Variants in TMTC1 observed in about 807,000 individuals in gnomAD.
TMTC1 encodes transmembrane O-mannosyltransferase targeting cadherins 1, also known as protein O-mannosyl-transferase TMTC1.
A neutral mutation model predicts 104.8 loss-of-function variants in TMTC1; 73 were observed. The observed-to-expected ratio is 0.70, with a 90% CI of 0.58 to 0.85. The LOEUF is 0.85. Among genes scored for constraint, TMTC1 ranks in the 40% least tolerant of loss-of-function variants. TMTC1 has a pLI of 0.00. For missense variants in TMTC1, 1,035 were observed against 1,096.1 expected, an observed-to-expected ratio of 0.94 and a Z score of 0.79; for synonymous variants, 434 against 428.7, an observed-to-expected ratio of 1.01 and a Z score of -0.15.
intron 5 of TMTC1, among the ~76,000 whole-genome samples, chr12:29,696,414 T>A (rs1941425451): frequency 6.6e-6 from 1 of 152,174 alleles, no homozygotes; most frequent in Admixed American, 6.5e-5. Context: ...TCCAAAACAG[T>A]CAACTCCAGC....
chr12:29,601,127 T>G (rs1423854442), intron 7 of TMTC1, among the ~76,000 whole-genome samples: 3 of 152,158 alleles, frequency 2.0e-5, no homozygotes, highest in Non-Finnish European at 4.4e-5. Context: ...GGGCATTTTA[T>G]TCCTAGGAAA....
chr12:29,631,883 T>A (rs567562056), intron 6 of TMTC1, among the ~76,000 whole-genome samples: 9 of 152,336 alleles, frequency 5.9e-5, no homozygotes, highest in Admixed American at 3.9e-4. Context: ...GATCAGCCAA[T>A]GATTTGGGCA....
At chr12:29,602,630 T>C (rs1419105382) in intron 7 of TMTC1, among the ~76,000 whole-genome samples, 2 of 152,168 alleles carry the variant, frequency 1.3e-5, no homozygotes, top group Admixed American at 6.5e-5. Context: ...ACATAAAGAA[T>C]ATAACATGCT....
intron 11 of TMTC1, chr12:29,520,925 G>GT: frequency 5.8e-6 from 3 of 520,544 alleles, no homozygotes; most frequent in Non-Finnish European, 1.0e-5. Flanking sequence ...ATTCATATCT[G>GT]TATTTAGTTC....
At chr12:29,534,406 A>G (rs1325958666) in intron 11 of TMTC1, 1 of 152,246 alleles carries the variant, frequency 6.6e-6, no homozygotes, top group Admixed American at 6.5e-5. Context: ...TCTAGAACAG[A>G]AAAGTGCTAA....
intron 6 of TMTC1, among the ~76,000 whole-genome samples, chr12:29,616,028 A>G (rs990242489): frequency 1.4e-4 from 21 of 152,176 alleles, no homozygotes; most frequent in Non-Finnish European, 2.4e-4. Flanking sequence ...AAATTCAAAT[A>G]AGTTTGAGGA....
chr12:29,542,018 G>C (rs1944814807), intron 10 of TMTC1, among the ~76,000 whole-genome samples: 1 of 151,996 alleles, frequency 6.6e-6, no homozygotes, highest in Non-Finnish European at 1.5e-5. Context: ...TATTAATTTA[G>C]CCATTTAGAC....
chr12:29,741,058 TTAAA>T (rs1942812186), intron 5 of TMTC1, among the ~76,000 whole-genome samples: 1 of 152,250 alleles, frequency 6.6e-6, no homozygotes, highest in African/African-American at 2.4e-5. Context: ...TAAATGTTTA[TTAAA>T]TACCTTTTAA....
chr12:29,728,937 G>A (rs1047335568), intron 5 of TMTC1, among the ~76,000 whole-genome samples: 6 of 147,494 alleles, frequency 4.1e-5, no homozygotes, highest in Non-Finnish European at 7.4e-5. Flanking sequence ...GGCAGGGGTT[G>A]CAGTGAACTG....
intron 11 of TMTC1, among the ~76,000 whole-genome samples, chr12:29,527,477 A>G (rs1010722775): frequency 7.9e-5 from 12 of 152,354 alleles, no homozygotes; most frequent in Admixed American, 7.8e-4. Context: ...ACACCTGGGG[A>G]TAGATACTGT....
intron 5 of TMTC1, among the ~76,000 whole-genome samples, chr12:29,663,590 CACTGCA>C (rs1235339308): frequency 6.6e-6 from 1 of 151,922 alleles, no homozygotes; most frequent in Non-Finnish European, 1.5e-5. Flanking sequence ...GATCTCAGCT[CACTGCA>C]ACTTCTGCCT....
At position 29,783,792 on chromosome 12, in the gene TMTC1, G is replaced by A; in HGVS notation, c.-41C>T. The A allele has an allele frequency of 1.8e-6, 2 of 1,127,450 alleles. No individual in the cohort carries two copies. Among genetic ancestry groups the A allele is most frequent in the Middle Eastern group, 3.9e-4 (1 of 2,592 alleles). The allele number at this position is 1,127,450 out of a possible 1,614,324, so 69.8% of individuals were successfully genotyped here. A position where few individuals can be genotyped will look rare whatever the true frequency, so the allele number is the denominator to read the frequency against. On this transcript the variant is annotated 5_prime_UTR_variant, in exon 1 of 18. The change creates a new upstream start codon in the 5' untranslated region. Coordinates refer to ENST00000539277, the MANE Select transcript of TMTC1 (RefSeq NM_001193451.2). The surrounding 1 kb of genome is among the most constrained non-coding windows in gnomAD (Gnocchi z 4.7). Reference sequence around the variant, plus strand: ...GCTGCTGCCCTGGCCTCTCCCGGGCGTCTGGCATCCTCCCCTACCGGGGCC... The same window carrying A: ...GCTGCTGCCCTGGCCTCTCCCGGGCATCTGGCATCCTCCCCTACCGGGGCC...
intron 5 of TMTC1, among the ~76,000 whole-genome samples, chr12:29,709,277 CT>C (rs1941835281): frequency 6.6e-6 from 1 of 152,110 alleles, no homozygotes; most frequent in African/African-American, 2.4e-5. Context: ...TGACCTTAAG[CT>C]AATGGCATTT....
chr12:29,623,228 A>G (rs1937771737), intron 6 of TMTC1, among the ~76,000 whole-genome samples: 1 of 152,258 alleles, frequency 6.6e-6, no homozygotes, highest in South Asian at 2.1e-4. Flanking sequence ...GCCTATGAAG[A>G]GCAGGCTGTG....
intron 6 of TMTC1, among the ~76,000 whole-genome samples, chr12:29,619,953 G>C (rs762139492): frequency 1.3e-5 from 2 of 152,288 alleles, no homozygotes; most frequent in South Asian, 4.1e-4. Flanking sequence ...AAGGGAGGTG[G>C]GGAGGAGAGC....
At chr12:29,555,222 C>T (rs184700963) in intron 10 of TMTC1, among the ~76,000 whole-genome samples, 176 of 148,892 alleles carry the variant, frequency 1.2e-3, no homozygotes, top group African/African-American at 4.2e-3. Context: ...ACTGCAACCT[C>T]TGCATCTCAG....
At chr12:29,645,415 T>C (rs1939222859) in intron 5 of TMTC1, among the ~76,000 whole-genome samples, 1 of 152,218 alleles carries the variant, frequency 6.6e-6, no homozygotes, top group South Asian at 2.1e-4. Flanking sequence ...TGAACATAGT[T>C]AAAATGAGAA....
intron 5 of TMTC1, among the ~76,000 whole-genome samples, chr12:29,659,274 A>G (rs1939902726): frequency 6.6e-6 from 1 of 152,224 alleles, no homozygotes; most frequent in African/African-American, 2.4e-5. Flanking sequence ...AAAATCTCAT[A>G]TCGAAATGTA....
intron 7 of TMTC1, among the ~76,000 whole-genome samples, chr12:29,589,674 C>G (rs568000333): frequency 6.1e-4 from 93 of 152,276 alleles, no homozygotes; most frequent in African/African-American, 2.1e-3. Flanking sequence ...GAGCAATGGC[C>G]ACAAAGTGGC....
Sources: gnomAD v4.1 joint callset for allele counts (sites outside exome capture counted in the v4.1 genomes callset) on GRCh38, gnomAD v4.1.1 for gene constraint, Gnocchi (gnomAD v3.1) non-coding constraint, MANE v1.5 for transcripts, NCBI Gene and HGNC (gene_info 2026-07-23, HGNC 2026-07-21) for gene names.